The following RBFOX1 variants were observed in gnomAD, a reference collection of about 807,000 sequenced individuals.
RBFOX1 encodes RNA binding protein fox-1 homolog 1.
RBFOX1 carries 8 observed loss-of-function variants against 57.7 expected under a neutral mutation model. The ratio of observed to expected loss-of-function variants is 0.14; its 90% confidence interval spans 0.08 to 0.25. The LOEUF (loss-of-function observed/expected upper bound fraction) is 0.25. Ranked by LOEUF, RBFOX1 falls within the 10% of genes least tolerant of loss-of-function variation. The probability of loss-of-function intolerance (pLI) is 1.00; values close to 1 mark genes in which losing one functional copy is unlikely to be tolerated. For synonymous variants in RBFOX1, 326 were observed against 222.4 expected, an observed-to-expected ratio of 1.47 and a Z score of -4.15; for missense variants, 611 against 548.5, an observed-to-expected ratio of 1.11 and a Z score of -1.14.
At chr16:6,880,051 T>G (rs570571779) in intron 3 of RBFOX1, among the ~76,000 whole-genome samples, 2 of 152,206 alleles carry the variant, frequency 1.3e-5, no homozygotes, top group Non-Finnish European at 2.9e-5. Flanking sequence ...TGCAAGTAAA[T>G]TTTCCTCCAG....
In RBFOX1 at chr16:7,320,024, G is replaced by C. The variant is rs779275917; in HGVS notation, c.28-198123G>C. On this transcript the variant is annotated intron_variant, in intron 4 of 15. Coordinates refer to ENST00000550418, the MANE Select transcript of RBFOX1 (RefSeq NM_018723.4). ...AGGACTGCCTTTTATGCAAGTGTAC[G>C]TGTATGTATGCATTAATCTGTTTTT... Among the ~76,000 whole-genome samples, 4 of 152,120 alleles carry C rather than the reference G, an allele frequency of 2.6e-5. No homozygotes were observed. The South Asian group carries it at 8.3e-4, about 32-fold the overall frequency.
In RBFOX1 at chr16:6,883,684, C is replaced by A. The variant is rs139610984; in HGVS notation, c.-15-168373C>A. On this transcript the variant is annotated intron_variant, in intron 3 of 15. Coordinates refer to ENST00000550418, the MANE Select transcript of RBFOX1 (RefSeq NM_018723.4). The stretch of plus-strand genomic sequence containing the variant: ...AGTATTGAAACCTTGCCTCCCACAT[C>A]CAGGCTGTTCAAATATGAGATAAAA... Among the ~76,000 whole-genome samples the A allele has an allele frequency of 2.4e-3, 366 of 152,234 alleles. 4 individuals are homozygous for A. Among genetic ancestry groups the A allele is most frequent in the African/African-American group, 8.4e-3 (350 of 41,538 alleles).
At chr16:6,450,825 A>ACG (rs2094593339) in intron 2 of RBFOX1, among the ~76,000 whole-genome samples, 1 of 14,582 alleles carries the variant, frequency 6.9e-5, no homozygotes, top group African/African-American at 3.5e-4. Flanking sequence ...ATACATATAT[A>ACG]TATATATATA....
At chr16:6,315,880 A>G (rs2081057757) in intron 1 of RBFOX1, among the ~76,000 whole-genome samples, 1 of 152,160 alleles carries the variant, frequency 6.6e-6, no homozygotes, top group Admixed American at 6.5e-5. Context: ...ACACACACAT[A>G]TATATATCCA....
rs145055330 is a variant in RBFOX1 at position 5,596,166 on chromosome 16, G to T, written c.259-2736G>T. ...AAGGGGCAAAGAGGAAGAAGGCTCT[G>T]CAGGGGCAGCTGGATAGGAATTTCA... On this transcript the variant is annotated intron_variant, in intron 2 of 2. Transcript: ENST00000585867. 3.8e-3 allele frequency among the ~76,000 whole-genome samples: 573 copies of T among 152,284 alleles called. 2 individuals carry two copies. Among genetic ancestry groups the T allele is most frequent in the African/African-American group, 0.013 (545 of 41,554 alleles).
At chr16:7,364,078 G>T (rs781503398) in intron 4 of RBFOX1, among the ~76,000 whole-genome samples, 2 of 152,182 alleles carry the variant, frequency 1.3e-5, no homozygotes, top group African/African-American at 2.4e-5. Flanking sequence ...TCCTATTAAA[G>T]CTCACATCTT....
chr16:6,015,471 T>A (rs537505608), upstream of RBFOX1, among the ~76,000 whole-genome samples: 5 of 152,204 alleles, frequency 3.3e-5, no homozygotes, highest in Non-Finnish European at 7.3e-5. Flanking sequence ...CCACTGCCTG[T>A]GGTAAAGCAA....
intron 4 of RBFOX1, among the ~76,000 whole-genome samples, chr16:7,495,347 C>T (rs912903012): frequency 1.3e-5 from 2 of 152,176 alleles, no homozygotes; most frequent in African/African-American, 4.8e-5. Context: ...CATGGGATTG[C>T]TGGATTGAAG....
chr16:6,126,003 T>C (rs1047019388), intron 1 of RBFOX1, among the ~76,000 whole-genome samples: 15 of 152,200 alleles, frequency 9.9e-5, no homozygotes, highest in Non-Finnish European at 1.5e-5. Context: ...AGGAGCTTAG[T>C]CTGATTGTCT....
At chr16:6,874,808 C>G (rs1002784788) in intron 3 of RBFOX1, among the ~76,000 whole-genome samples, 49 of 152,072 alleles carry the variant, frequency 3.2e-4, no homozygotes, top group African/African-American at 2.2e-4. Context: ...GGATAAAAGA[C>G]TACATACTGA....
intron 3 of RBFOX1, among the ~76,000 whole-genome samples, chr16:6,980,358 C>T (rs1423373558): frequency 6.6e-6 from 1 of 152,082 alleles, no homozygotes; most frequent in Non-Finnish European, 1.5e-5. Context: ...TAACATGTAA[C>T]CATTTCTTTT....
intron 4 of RBFOX1, among the ~76,000 whole-genome samples, chr16:7,499,052 G>A (rs1162108640): frequency 6.6e-6 from 1 of 152,136 alleles, no homozygotes; most frequent in East Asian, 1.9e-4. Context: ...CGTAATAGAT[G>A]TATTAATTTC....
intron 3 of RBFOX1, chr16:6,723,797 C>T (rs1394850906): frequency 6.6e-6 from 1 of 151,944 alleles, no homozygotes; most frequent in African/African-American, 2.4e-5. Context: ...TCTGGAGAGT[C>T]TTCCAGCTAC....
intron 3 of RBFOX1, among the ~76,000 whole-genome samples, chr16:6,840,334 C>A (rs1158873619): frequency 6.6e-6 from 1 of 152,206 alleles, no homozygotes; most frequent in East Asian, 1.9e-4. Flanking sequence ...CCGCCTCTAA[C>A]ATTCATTCGT....
At chr16:7,375,322 G>A (rs1452794297) in intron 4 of RBFOX1, among the ~76,000 whole-genome samples, 3 of 152,086 alleles carry the variant, frequency 2.0e-5, no homozygotes, top group Non-Finnish European at 2.9e-5. Flanking sequence ...GGTAATACAA[G>A]TCTAATGTGT....
intron 2 of RBFOX1, among the ~76,000 whole-genome samples, chr16:5,518,720 C>G (rs2043894151): frequency 6.6e-6 from 1 of 152,120 alleles, no homozygotes; most frequent in South Asian, 2.1e-4. Context: ...CTCTTGACAT[C>G]CTCAACTGTG....
chr16:7,710,287 C>T (rs2083783551), intron 15 of RBFOX1: 1 of 1,131,390 alleles, frequency 8.8e-7, no homozygotes, highest in Non-Finnish European at 1.1e-6. Context: ...TTACATTCAA[C>T]AACTGGTCCA....
chr16:5,828,049 C>G (rs989727454), intron 3 of RBFOX1, among the ~76,000 whole-genome samples: 1 of 151,414 alleles, frequency 6.6e-6, no homozygotes, highest in African/African-American at 2.4e-5. Flanking sequence ...ATCCATCCAT[C>G]TACCCACCCA....
At chr16:7,699,973 G>T (rs1036070903) in intron 14 of RBFOX1, among the ~76,000 whole-genome samples, 2 of 152,130 alleles carry the variant, frequency 1.3e-5, no homozygotes, top group Non-Finnish European at 2.9e-5. Context: ...CTTGGTATTG[G>T]ATTTTAACGT....
Sources: gnomAD v4.1 joint callset for allele counts (sites outside exome capture counted in the v4.1 genomes callset) on GRCh38, gnomAD v4.1.1 for gene constraint, MANE v1.5 for transcripts, NCBI Gene and HGNC (gene_info 2026-07-23, HGNC 2026-07-21) for gene names.